SPIN1: variants seen among roughly 807,000 people sequenced by gnomAD.
The protein encoded by SPIN1 is spindlin 1, also known as spindlin-1.
A neutral mutation model predicts 26.0 loss-of-function variants in SPIN1; 3 were observed. That is an observed-to-expected ratio of 0.12 (90% CI 0.05 to 0.30). The LOEUF (loss-of-function observed/expected upper bound fraction) is 0.30. Among genes scored for constraint, SPIN1 ranks in the 10% least tolerant of loss-of-function variants. The pLI is 1.00. For synonymous variants in SPIN1, 101 were observed against 116.5 expected (o/e 0.87, Z 0.86); for missense variants, 126 against 333.4 (o/e 0.38, Z 4.84).
rs151248428 is a variant in SPIN1 at position 88,410,251 on chromosome 9, A to G, written c.-158-16131A>G. On this transcript the variant is annotated intron_variant, in intron 1 of 5. Transcript: ENST00000375859. ...CATGATCAGACTATTACATTTAGCA[A>G]TCAACAGCATGGGTGCAAAAAAAAT... is the stretch of plus-strand genomic sequence containing the variant. Among the ~76,000 whole-genome samples the G allele has an allele frequency of 5.1e-3, 778 of 151,670 alleles. 7 individuals carry two copies. Among genetic ancestry groups the G allele is most frequent in the African/African-American group, 0.017 (706 of 41,230 alleles).
At chr9:88,393,297 T>A (rs999808034) in intron 1 of SPIN1, among the ~76,000 whole-genome samples, 16 of 151,888 alleles carry the variant, frequency 1.1e-4, no homozygotes, top group African/African-American at 3.9e-4. Flanking sequence ...ATTTTTTTTT[T>A]AAAACTAGGT....
chr9:88,448,836 T>C (rs1828304530), intron 2 of SPIN1, 105 bp from the exon 3 acceptor site: 1 of 988,986 alleles, frequency 1.0e-6, no homozygotes, highest in African/African-American at 1.6e-5. Context: ...TGGTGTATTT[T>C]CTTTTCATAT....
intron 1 of SPIN1, among the ~76,000 whole-genome samples, chr9:88,419,878 T>C (rs1010968020): frequency 1.3e-5 from 2 of 152,318 alleles, no homozygotes; most frequent in African/African-American, 4.8e-5. Context: ...ATCGGACCTT[T>C]CCAGAAATCA....
At chr9:88,404,093 T>G (rs1424655434) in intron 1 of SPIN1, among the ~76,000 whole-genome samples, 1 of 152,130 alleles carries the variant, frequency 6.6e-6, no homozygotes, top group Non-Finnish European at 1.5e-5. Flanking sequence ...TGGTAAGTAA[T>G]TATGTATGTA....
At chr9:88,397,895 A>G (rs1279404315) in intron 1 of SPIN1, among the ~76,000 whole-genome samples, 6 of 151,162 alleles carry the variant, frequency 4.0e-5, no homozygotes, top group Non-Finnish European at 7.4e-5. Flanking sequence ...AAGTGCTGAG[A>G]TTACAGGTGT....
At position 88,410,391 on chromosome 9, in the gene SPIN1, A is replaced by G. The variant is rs1469592612; in HGVS notation, c.-158-15991A>G. 9.5e-6 allele frequency: 5 copies of G among 524,234 alleles called. No homozygotes were observed. The Admixed American group carries it at 1.1e-4, about 11-fold the overall frequency. 32.5% of individuals were successfully genotyped at this position (524,234 alleles called of 1,614,324 possible). ...GAGTTTTTTGCCCATATACATGAGT[A>G]TTTGTCTAAAACATGTCTTCTTTGT... On this transcript the variant is annotated intron_variant, in intron 1 of 5. Transcript: ENST00000375859.
chr9:88,397,824 T>C (rs774683901), intron 1 of SPIN1, among the ~76,000 whole-genome samples: 1 of 151,120 alleles, frequency 6.6e-6, no homozygotes, highest in Non-Finnish European at 1.5e-5. Flanking sequence ...GGGTTTCACC[T>C]TGTTGGCCAG....
chr9:88,441,043 G>C (rs1228005305), intron 2 of SPIN1, among the ~76,000 whole-genome samples: 1 of 151,618 alleles, frequency 6.6e-6, no homozygotes, highest in African/African-American at 2.4e-5. Flanking sequence ...TGTATCCGTG[G>C]GTTTTACATC....
rs77018385 is a variant in SPIN1 at position 88,469,359 on chromosome 9, A to G, written c.589+754A>G. Among the ~76,000 whole-genome samples the G allele has an allele frequency of 7.4e-3, 1,132 of 152,294 alleles. 16 individuals carry two copies. The highest frequency in any genetic ancestry group is 0.026 in the African/African-American group (1,060 of 41,558). On this transcript the variant is annotated intron_variant, in intron 5 of 5. Transcript: ENST00000375859. ...TGATTTAGAGAACATCAATTTCAGA[A>G]AACGATTGACTGCTAACTTTTCAGT... is the stretch of plus-strand genomic sequence containing the variant.
At chr9:88,466,678 T>C (rs528491329) in intron 4 of SPIN1, among the ~76,000 whole-genome samples, 15 of 152,380 alleles carry the variant, frequency 9.8e-5, no homozygotes, top group Middle Eastern at 3.4e-3. Context: ...TTTCTTTTGA[T>C]GTAACAGAAA....
At chr9:88,391,327 T>A (rs188932970) in intron 1 of SPIN1, 1 of 155,702 alleles carries the variant, frequency 6.4e-6, no homozygotes, top group Non-Finnish European at 1.4e-5. Flanking sequence ...TACATAAAAT[T>A]ACCAGCAAGA....
At chr9:88,460,150 T>C (rs1212088172) in intron 3 of SPIN1, among the ~76,000 whole-genome samples, 1 of 152,238 alleles carries the variant, frequency 6.6e-6, no homozygotes. Context: ...TTTTTAGTAC[T>C]CTCTTCTGTG....
chr9:88,454,582 TTAC>T (rs1371246795), intron 3 of SPIN1, among the ~76,000 whole-genome samples: 2 of 152,114 alleles, frequency 1.3e-5, no homozygotes, highest in African/African-American at 4.8e-5. Flanking sequence ...AAATAACTTT[TTAC>T]TGTGGGAAAT....
intron 5 of SPIN1, among the ~76,000 whole-genome samples, chr9:88,470,178 T>C (rs1362904040): frequency 6.6e-6 from 1 of 152,248 alleles, no homozygotes; most frequent in Non-Finnish European, 1.5e-5. Context: ...ACGATTCCAT[T>C]GTATGGATAT....
intron 1 of SPIN1, among the ~76,000 whole-genome samples, chr9:88,404,715 A>G (rs910643872): frequency 6.6e-6 from 1 of 152,092 alleles, no homozygotes; most frequent in African/African-American, 2.4e-5. Context: ...CAGGAGTTCA[A>G]GACCATCCTG....
At chr9:88,474,911 C>T (rs1015744005) in intron 5 of SPIN1, among the ~76,000 whole-genome samples, 167 bp from the exon 6 acceptor site, 1 of 152,076 alleles carries the variant, frequency 6.6e-6, no homozygotes, top group African/African-American at 2.4e-5. Context: ...ACTGTCTTGT[C>T]TTTTACGAAA....
At chr9:88,436,588 C>G (rs1052633250) in intron 2 of SPIN1, among the ~76,000 whole-genome samples, 4 of 152,112 alleles carry the variant, frequency 2.6e-5, no homozygotes, top group East Asian at 1.9e-4. Flanking sequence ...TCCCATTGTT[C>G]TTCTCTCTCT....
intron 2 of SPIN1, among the ~76,000 whole-genome samples, chr9:88,435,051 C>CAA (rs34421426): frequency 1.4e-5 from 1 of 71,624 alleles, no homozygotes; most frequent in African/African-American, 5.0e-5. Context: ...GACTCCAGCT[C>CAA]AAAAAAAAAA....
intron 3 of SPIN1, among the ~76,000 whole-genome samples, chr9:88,460,869 C>T (rs1043084460): frequency 3.3e-5 from 5 of 152,186 alleles, no homozygotes; most frequent in African/African-American, 1.2e-4. Context: ...GTTAAGTTGA[C>T]ACACAAAATT....
Sources: allele counts gnomAD v4.1 joint callset (sites outside exome capture counted in the v4.1 genomes callset), GRCh38; gene constraint gnomAD v4.1.1; transcripts MANE v1.5; gene names NCBI Gene and HGNC (gene_info 2026-07-23, HGNC 2026-07-21).